Variants in HLCS observed in about 807,000 individuals in gnomAD.
The protein encoded by HLCS is holocarboxylase synthetase.
In HLCS, 53 loss-of-function variants were observed where a neutral mutation model predicts 75.0. That is an observed-to-expected ratio of 0.71 (90% CI 0.57 to 0.89). The LOEUF (loss-of-function observed/expected upper bound fraction) is 0.89. Among genes scored for constraint, HLCS ranks in the 40% least tolerant of loss-of-function variants. HLCS has a pLI of 0.00. For synonymous variants in HLCS, 431 were observed against 428.6 expected (o/e 1.01, Z -0.07); for missense variants, 966 against 1,074.0 (o/e 0.90, Z 1.41).
At chr21:36,778,765 C>T (rs558032084) in intron 6 of HLCS, among the ~76,000 whole-genome samples, 1 of 152,042 alleles carries the variant, frequency 6.6e-6, no homozygotes, top group East Asian at 1.9e-4. Context: ...AGATTGTATG[C>T]CTTCCTATCA....
intron 5 of HLCS, among the ~76,000 whole-genome samples, chr21:36,911,610 G>A (rs900869923): frequency 5.3e-5 from 8 of 151,916 alleles, no homozygotes; most frequent in Admixed American, 3.3e-4. Context: ...TTAACCGGGT[G>A]TTGTGGCAGG....
chr21:36,953,656 G>A (rs543854296), intron 2 of HLCS, among the ~76,000 whole-genome samples: 81 of 152,098 alleles, frequency 5.3e-4, no homozygotes, highest in Non-Finnish European at 8.8e-4. Context: ...TTAAAAGCAC[G>A]GCAGTCATTA....
rs1388238708 is a variant in HLCS, at chr21:36,937,159, C to CG, written c.726dup (p.Val243ArgfsTer2). ...GACAGATGGAGGTGATAATGCTCAA[C>CG]GGGGCCCCCTCCCCTGTCACTGTCC... is the stretch of plus-strand genomic sequence containing the variant. On this transcript the variant is annotated frameshift_variant, in exon 4 of 11. Coordinates refer to ENST00000674895, the MANE Select transcript of HLCS (RefSeq NM_001352514.2). LOFTEE classifies it high-confidence loss of function. The CG allele has an allele frequency of 1.9e-6, 3 of 1,614,104 alleles. No individual in the cohort carries two copies. Among genetic ancestry groups the CG allele is most frequent in the Non-Finnish European group, 2.5e-6 (3 of 1,180,034 alleles).
intron 5 of HLCS, among the ~76,000 whole-genome samples, chr21:36,925,072 A>G (rs2066341814): frequency 6.6e-6 from 1 of 152,056 alleles, no homozygotes; most frequent in Non-Finnish European, 1.5e-5. Context: ...TACCAACAAA[A>G]CCTGCTTTTT....
At chr21:36,976,965 A>G (rs899627344) in intron 1 of HLCS, among the ~76,000 whole-genome samples, 1 of 152,120 alleles carries the variant, frequency 6.6e-6, no homozygotes, top group Admixed American at 6.6e-5. Context: ...GATGCAATCT[A>G]CAAACATTTG....
rs1173338467 is a variant in HLCS, at chr21:36,755,137, T to TAGCAAAG, written c.2451-721_2451-720insCTTTGCT. Among the ~76,000 whole-genome samples, 155 of 152,308 alleles carry TAGCAAAG rather than the reference T, an allele frequency of 1.0e-3. 1 individual carries two copies. The highest frequency in any genetic ancestry group is 1.1e-3 in the Non-Finnish European group (72 of 68,036). ...TGCAGCTGGGTGTGGTAGCTCATGT[T>TAGCAAAG]TGTAACCTTAGCACTTTGGGAGGCC... On this transcript the variant is annotated intron_variant, in intron 10 of 10. Coordinates refer to ENST00000674895, the MANE Select transcript of HLCS (RefSeq NM_001352514.2).
chr21:36,909,010 C>T (rs995167574), intron 5 of HLCS, among the ~76,000 whole-genome samples: 8 of 152,070 alleles, frequency 5.3e-5, no homozygotes, highest in East Asian at 1.9e-4. Context: ...CTGGCTAACA[C>T]GGTGAAACTC....
intron 8 of HLCS, among the ~76,000 whole-genome samples, chr21:36,763,752 G>A (rs1386288774): frequency 1.3e-5 from 2 of 152,168 alleles, no homozygotes; most frequent in African/African-American, 4.8e-5. Flanking sequence ...GGAACATTTG[G>A]GAGGGGGCTA....
chr21:36,754,859 T>G (rs1200570284), intron 10 of HLCS, among the ~76,000 whole-genome samples: 1 of 152,236 alleles, frequency 6.6e-6, no homozygotes, highest in African/African-American at 2.4e-5. Context: ...ATCCTGATCC[T>G]ACTTCTTTTG....
At chr21:36,942,305 C>T (rs1311835391) in intron 2 of HLCS, among the ~76,000 whole-genome samples, 1 of 150,476 alleles carries the variant, frequency 6.6e-6, no homozygotes, top group Non-Finnish European at 1.5e-5. Context: ...CTCGGAGGCT[C>T]ACGCCTGCAA....
intron 6 of HLCS, among the ~76,000 whole-genome samples, chr21:36,817,447 T>C (rs1308312463): frequency 6.6e-6 from 1 of 152,204 alleles, no homozygotes; most frequent in Admixed American, 6.5e-5. Context: ...TGTCTGACTA[T>C]GGCTCAAGAT....
At chr21:36,965,528 C>T (rs2068520522) in intron 1 of HLCS, among the ~76,000 whole-genome samples, 1 of 152,048 alleles carries the variant, frequency 6.6e-6, no homozygotes, top group South Asian at 2.1e-4. Flanking sequence ...AACACGTAAC[C>T]ACCATCCTAA....
At chr21:36,931,957 A>C (rs2066665687) in intron 4 of HLCS, among the ~76,000 whole-genome samples, 2 of 151,998 alleles carry the variant, frequency 1.3e-5, no homozygotes, top group African/African-American at 2.4e-5. Context: ...CACATCCCCA[A>C]GCTGTGCACA....
chr21:36,983,463 G>C (rs1051105564), intron 1 of HLCS, among the ~76,000 whole-genome samples: 1 of 151,750 alleles, frequency 6.6e-6, no homozygotes, highest in Non-Finnish European at 1.5e-5. Context: ...CGCCCACCTC[G>C]ACCTCCCAAA....
intron 2 of HLCS, chr21:36,947,455 G>C (rs892666811): frequency 2.0e-6 from 2 of 985,246 alleles, no homozygotes; most frequent in Non-Finnish European, 2.4e-6. Context: ...GTCGTCCAGG[G>C]TGTTTGCCTT....
At chr21:36,786,321 C>A (rs960168721) in intron 6 of HLCS, among the ~76,000 whole-genome samples, 1 of 151,406 alleles carries the variant, frequency 6.6e-6, no homozygotes, top group Non-Finnish European at 1.5e-5. Flanking sequence ...CAGTACCATA[C>A]CGCCAAAGGT....
At chr21:36,852,956 C>T (rs2063063478) in intron 6 of HLCS, among the ~76,000 whole-genome samples, 2 of 152,128 alleles carry the variant, frequency 1.3e-5, no homozygotes, top group African/African-American at 4.8e-5. Flanking sequence ...CACAGCAGCA[C>T]AGAAGAAGGA....
chr21:36,947,485 A>C, intron 2 of HLCS: 3 of 985,444 alleles, frequency 3.0e-6, no homozygotes, highest in Non-Finnish European at 3.6e-6. Context: ...AAAGGCAAAC[A>C]GGACACTTTA....
At chr21:36,761,918 C>T (rs1285847170) in intron 8 of HLCS, among the ~76,000 whole-genome samples, 2 of 152,206 alleles carry the variant, frequency 1.3e-5, no homozygotes, top group African/African-American at 4.8e-5. Flanking sequence ...GGTGCCTGGG[C>T]GGGCCCTGCA....
Sources: allele counts gnomAD v4.1 joint callset (sites outside exome capture counted in the v4.1 genomes callset), GRCh38; gene constraint gnomAD v4.1.1; transcripts MANE v1.5; gene names NCBI Gene and HGNC (gene_info 2026-07-23, HGNC 2026-07-21).